The following CHRM3 variants were observed in gnomAD, a reference collection of about 807,000 sequenced individuals.
The protein encoded by CHRM3 is muscarinic acetylcholine receptor M3.
In CHRM3, 11 loss-of-function variants were observed where a neutral mutation model predicts 41.8. The ratio of observed to expected loss-of-function variants is 0.26; its 90% confidence interval spans 0.17 to 0.44. The LOEUF is 0.44. Among genes scored for constraint, CHRM3 ranks in the 20% least tolerant of loss-of-function variants. The probability of loss-of-function intolerance (pLI) is 1.00; values close to 1 mark genes in which losing one functional copy is unlikely to be tolerated. For missense variants in CHRM3, 571 were observed against 745.4 expected (o/e 0.77, Z 2.72); for synonymous variants, 297 against 301.4 (o/e 0.99, Z 0.15).
intron 6 of CHRM3, among the ~76,000 whole-genome samples, chr1:239,860,135 G>C (rs540587102): frequency 6.6e-6 from 1 of 152,176 alleles, no homozygotes; most frequent in Non-Finnish European, 1.5e-5. Flanking sequence ...ATTTCTCAGG[G>C]AGTTGGAGCT....
chr1:239,418,409 C>G (rs1661674845), intron 1 of CHRM3, among the ~76,000 whole-genome samples: 1 of 152,026 alleles, frequency 6.6e-6, no homozygotes, highest in Non-Finnish European at 1.5e-5. Context: ...TCAGATCTAT[C>G]TAGAAAACAG....
chr1:239,515,114 A>G (rs1430276707), intron 2 of CHRM3, among the ~76,000 whole-genome samples: 1 of 152,084 alleles, frequency 6.6e-6, no homozygotes, highest in African/African-American at 2.4e-5. Flanking sequence ...TTCTCTCAAT[A>G]TGTTTTCTCA....
At position 239,913,573 on chromosome 1, in the gene CHRM3, A is replaced by G. The variant is rs1353645524; in HGVS notation, c.*4349A>G. The G allele has an allele frequency of 6.0e-6, 1 of 167,046 alleles. No individual in the cohort carries two copies. Among genetic ancestry groups the G allele is most frequent in the African/African-American group, 2.4e-5 (1 of 41,472 alleles). The allele number at this position is 167,046 out of a possible 1,614,324, so 10.3% of individuals were successfully genotyped here. ...TCTCCCAGCATTAATGTGTGAGTCA[A>G]CATTGCAGACCTGAGAAAGGTTTCT... is the stretch of plus-strand genomic sequence containing the variant. On this transcript the variant is annotated 3_prime_UTR_variant, in exon 7 of 7. Transcript: ENST00000676153.
chr1:239,884,866 C>T (rs960782861), intron 6 of CHRM3, among the ~76,000 whole-genome samples: 14 of 152,076 alleles, frequency 9.2e-5, no homozygotes, highest in African/African-American at 3.4e-4. Flanking sequence ...AGATAAACAG[C>T]GAATTCTTGT....
rs936134737 is a variant in CHRM3 at position 239,436,810 on chromosome 1, T to A, written c.-521+49583T>A. 8.5e-5 allele frequency among the ~76,000 whole-genome samples: 13 copies of A among 152,096 alleles called. 1 individual carries two copies. Among genetic ancestry groups the A allele is most frequent in the Non-Finnish European group, 5.9e-5 (4 of 68,010 alleles). ...TGTGGGGTTTTATCTTTCTACTTGT[T>A]CTTTTCCCCAGCACCCTTCCCTAAA... is the stretch of plus-strand genomic sequence containing the variant. On this transcript the variant is annotated intron_variant, in intron 1 of 6. Transcript: ENST00000676153.
chr1:239,902,462 T>TA (rs1016742541), intron 6 of CHRM3, among the ~76,000 whole-genome samples: 40 of 152,092 alleles, frequency 2.6e-4, no homozygotes, highest in Admixed American at 6.5e-4. Flanking sequence ...TGCTTTCTAA[T>TA]AAAAAAAATT....
chr1:239,775,829 T>C (rs1668045504), intron 5 of CHRM3, among the ~76,000 whole-genome samples: 1 of 152,098 alleles, frequency 6.6e-6, no homozygotes, highest in Admixed American at 6.5e-5. Flanking sequence ...CTGCTGCTAG[T>C]GGTGACAAAA....
chr1:239,554,568 CT>C (rs980301358), intron 3 of CHRM3, among the ~76,000 whole-genome samples: 6 of 151,810 alleles, frequency 4.0e-5, no homozygotes, highest in African/African-American at 1.2e-4. Context: ...AAAGCAGCTC[CT>C]TTTTTATAGC....
chr1:239,519,487 C>T (rs759053318), intron 2 of CHRM3, among the ~76,000 whole-genome samples: 6 of 152,090 alleles, frequency 3.9e-5, no homozygotes, highest in Non-Finnish European at 7.4e-5. Context: ...ATGATTGACA[C>T]ATCAATTGTT....
At chr1:239,561,689 GATA>G (rs1172918384) in intron 3 of CHRM3, among the ~76,000 whole-genome samples, 6 of 151,658 alleles carry the variant, frequency 4.0e-5, no homozygotes, top group African/African-American at 1.5e-4. Flanking sequence ...TCTATTAATA[GATA>G]ATATTACTGA....
At chr1:239,502,021 T>C (rs371244350) in intron 2 of CHRM3, among the ~76,000 whole-genome samples, 1 of 151,632 alleles carries the variant, frequency 6.6e-6, no homozygotes, top group African/African-American at 2.4e-5. Context: ...CAGGTAACTA[T>C]AGAAACAAGA....
chr1:239,752,722 A>C (rs546049598), intron 5 of CHRM3, among the ~76,000 whole-genome samples: 5 of 152,356 alleles, frequency 3.3e-5, no homozygotes, highest in Non-Finnish European at 5.9e-5. Flanking sequence ...ACATTTAAAA[A>C]ACAGATAGAA....
chr1:239,820,546 A>T (rs1411317723), intron 5 of CHRM3, among the ~76,000 whole-genome samples: 1 of 152,236 alleles, frequency 6.6e-6, no homozygotes, highest in African/African-American at 2.4e-5. Flanking sequence ...GGAAGTTCAG[A>T]GAACAATCTC....
intron 5 of CHRM3, among the ~76,000 whole-genome samples, chr1:239,788,867 A>G (rs1669118809): frequency 6.6e-6 from 1 of 152,222 alleles, no homozygotes; most frequent in African/African-American, 2.4e-5. Flanking sequence ...TCAATTGTAA[A>G]GTATATTTTA....
At chr1:239,654,975 T>C (rs1031537645) in intron 4 of CHRM3, among the ~76,000 whole-genome samples, 21 of 152,150 alleles carry the variant, frequency 1.4e-4, no homozygotes, top group African/African-American at 4.8e-4. Context: ...TATAAGAAAA[T>C]AAAAATAATT....
At chr1:239,769,773 T>C (rs1409382581) in intron 5 of CHRM3, among the ~76,000 whole-genome samples, 2 of 151,822 alleles carry the variant, frequency 1.3e-5, no homozygotes, top group African/African-American at 4.8e-5. Flanking sequence ...CCCAGCTATA[T>C]GGGAGGTTGA....
At chr1:239,603,469 A>C (rs962972823) in intron 3 of CHRM3, among the ~76,000 whole-genome samples, 2 of 152,138 alleles carry the variant, frequency 1.3e-5, no homozygotes, top group African/African-American at 4.8e-5. Flanking sequence ...GGGACTCCTC[A>C]TCTACTTGTT....
At chr1:239,885,055 G>T (rs1677956991) in intron 6 of CHRM3, among the ~76,000 whole-genome samples, 1 of 152,138 alleles carries the variant, frequency 6.6e-6, no homozygotes, top group South Asian at 2.1e-4. Context: ...TGGGAAGGTG[G>T]CCAGGAGGAA....
At position 239,541,875 on chromosome 1, in the gene CHRM3, A is replaced by C. The variant is rs190518816; in HGVS notation, c.-421-3766A>C. 1.1e-3 allele frequency among the ~76,000 whole-genome samples: 174 copies of C among 152,238 alleles called. 1 individual carries two copies. Among genetic ancestry groups the C allele is most frequent in the Non-Finnish European group, 1.8e-3 (121 of 68,018 alleles). On this transcript the variant is annotated intron_variant, in intron 2 of 6. Coordinates refer to ENST00000676153, the MANE Select transcript of CHRM3 (RefSeq NM_001375978.1). ...TCTGTCATTCTTCCTTTACTTGTTC[A>C]TTCTTCATTTCTTTCTCTCAACAAA...
Sources: gnomAD v4.1 joint callset for allele counts (sites outside exome capture counted in the v4.1 genomes callset) on GRCh38, gnomAD v4.1.1 for gene constraint, MANE v1.5 for transcripts, NCBI Gene and HGNC (gene_info 2026-07-23, HGNC 2026-07-21) for gene names.